The following STIM1 variants were observed in gnomAD, a reference collection of about 807,000 sequenced individuals.
STIM1 encodes stromal interaction molecule 1.
Under a neutral mutation model 74.7 loss-of-function variants are expected in STIM1, and 25 were observed. That is an observed-to-expected ratio of 0.33 (90% CI 0.24 to 0.47). The LOEUF (loss-of-function observed/expected upper bound fraction) is 0.47, where lower values mean the gene tolerates loss of function less well. Ranked by LOEUF, STIM1 falls within the 20% of genes least tolerant of loss-of-function variation. The probability of loss-of-function intolerance (pLI) is 1.00; values close to 1 mark genes in which losing one functional copy is unlikely to be tolerated. For missense variants in STIM1, 728 were observed against 920.8 expected, an observed-to-expected ratio of 0.79 and a Z score of 2.71; for synonymous variants, 328 against 348.8, an observed-to-expected ratio of 0.94 and a Z score of 0.66.
chr11:3,900,845 G>A (rs531587886), intron 1 of STIM1, among the ~76,000 whole-genome samples: 28 of 152,250 alleles, frequency 1.8e-4, no homozygotes, highest in Admixed American at 1.8e-3. Flanking sequence ...CAAAGTGTTG[G>A]GATTACAGGC....
chr11:4,032,193 A>T (rs1435759581), intron 3 of STIM1, among the ~76,000 whole-genome samples: 8 of 151,334 alleles, frequency 5.3e-5, no homozygotes, highest in Admixed American at 5.3e-4. Context: ...GTTTAAGCTG[A>T]GTGCAGTAGC....
intron 1 of STIM1, among the ~76,000 whole-genome samples, chr11:3,964,277 A>C (rs918487950): frequency 6.6e-6 from 1 of 152,254 alleles, no homozygotes; most frequent in Non-Finnish European, 1.5e-5. Flanking sequence ...GGAATGCGTA[A>C]GAGAAGGTAG....
At chr11:4,038,770 C>G (rs1490616605) in intron 3 of STIM1, among the ~76,000 whole-genome samples, 1 of 152,140 alleles carries the variant, frequency 6.6e-6, no homozygotes, top group African/African-American at 2.4e-5. Flanking sequence ...TTGGCCCAGC[C>G]TAGCTCTACT....
intron 3 of STIM1, among the ~76,000 whole-genome samples, chr11:4,031,114 C>G (rs933912414): frequency 1.3e-5 from 2 of 152,160 alleles, no homozygotes; most frequent in Admixed American, 6.5e-5. Flanking sequence ...TTTGCATTTG[C>G]TACAGTTTTA....
At chr11:3,892,295 G>T in intron 1 of STIM1, 1 of 748,166 alleles carries the variant, frequency 1.3e-6, no homozygotes. Flanking sequence ...AGAGCACAAA[G>T]ATTCAAGGAT....
At chr11:3,904,196 C>CAAAAAAAAAAAAAAAAAAAAAA (rs57908154) in intron 1 of STIM1, among the ~76,000 whole-genome samples, 6 of 73,860 alleles carry the variant, frequency 8.1e-5, no homozygotes, top group African/African-American at 1.1e-4. Context: ...GACTCTGTCT[C>CAAAAAAAAAAAAAAAAAAAAAA]AAAAAAAAAA....
rs780512774 is a variant in STIM1, at chr11:4,083,493, T to C, written c.1469T>C (p.Met490Thr). 2 of 1,613,272 alleles carry C rather than the reference T, an allele frequency of 1.2e-6. No individual in the cohort carries two copies. The highest frequency in any genetic ancestry group is 2.7e-5 in the African/African-American group (2 of 74,942). The change falls in exon 10 of 13, where the codon ATG becomes ACG. Residue 490 changes from methionine to threonine, a missense_variant. This residue lies in a region of STIM1 where 352 missense variants were observed against 370.1 expected (regional missense o/e 0.95). Coordinates refer to ENST00000526596, the MANE Select transcript of STIM1 (RefSeq NM_001382567.1). Reference protein sequence around the residue: ...MDEEIVSPLSMQYAAWLMGRR... With the variant: ...MDEEIVSPLSTQYAAWLMGRR... ...GAGGAGATTGTGTCTCCCTTGTCCA[T>C]GCAGTGTAGGTGACCTCTTTGCGGG...
chr11:4,045,130 C>A (rs957114288), intron 3 of STIM1, among the ~76,000 whole-genome samples: 1 of 152,060 alleles, frequency 6.6e-6, no homozygotes, highest in Admixed American at 6.5e-5. Context: ...GGCATCCTCC[C>A]AGTAGACAAA....
chr11:4,045,814 G>A (rs551241999), intron 3 of STIM1, among the ~76,000 whole-genome samples: 2 of 134,602 alleles, frequency 1.5e-5, no homozygotes, highest in East Asian at 4.4e-4. Flanking sequence ...TGCCCAGGCT[G>A]GAGTGCAGTG....
intron 12 of STIM1, 104 bp from the exon 13 acceptor site, chr11:4,091,178 C>T: frequency 1.3e-6 from 2 of 1,532,644 alleles, no homozygotes; most frequent in Non-Finnish European, 1.8e-6. Context: ...CATTTTCCTA[C>T]CCTGTCCTTG....
intron 1 of STIM1, among the ~76,000 whole-genome samples, chr11:3,912,141 C>T (rs1377163444): frequency 7.6e-6 from 1 of 131,018 alleles, no homozygotes; most frequent in Non-Finnish European, 1.6e-5. Flanking sequence ...CCTCCCATCC[C>T]CTCTCCTCCC....
chr11:3,942,836 T>A (rs761915545), intron 1 of STIM1, among the ~76,000 whole-genome samples: 3 of 152,166 alleles, frequency 2.0e-5, no homozygotes, highest in Non-Finnish European at 4.4e-5. Flanking sequence ...GTGTTCCTGG[T>A]TGCTTTGGGG....
rs77323635 is a variant in STIM1, at chr11:3,929,820, C to T, written c.140-37732C>T. Among the ~76,000 whole-genome samples, 173 of 152,290 alleles carry T rather than the reference C, an allele frequency of 1.1e-3. 1 individual carries two copies. The highest frequency in any genetic ancestry group is 4.0e-3 in the African/African-American group (165 of 41,568). ...CAACCCAGTCCTAAATTGCATGTCT[C>T]GGGCCACAGGTTACCAAGTTTACAG... On this transcript the variant is annotated intron_variant, in intron 1 of 12. Transcript: ENST00000526596.
intron 3 of STIM1, among the ~76,000 whole-genome samples, chr11:4,043,616 T>C (rs1255746273): frequency 2.6e-5 from 4 of 152,228 alleles, no homozygotes; most frequent in African/African-American, 9.6e-5. Context: ...ATGTGTGTTT[T>C]ACAATCTATC....
At chr11:4,059,428 T>G in intron 5 of STIM1, 32 bp downstream of exon 5, 1 of 1,596,936 alleles carries the variant, frequency 6.3e-7, no homozygotes, top group Non-Finnish European at 8.6e-7. Flanking sequence ...GCTACTGCTG[T>G]GCCATGGAAA....
rs2094529517 is a variant in STIM1 at position 4,092,359 on chromosome 11, T to TA, written c.*563dup. 1 of 169,412 alleles carries TA rather than the reference T, an allele frequency of 5.9e-6. No homozygotes were observed. The highest frequency in any genetic ancestry group is 1.3e-5 in the Non-Finnish European group (1 of 76,250). The allele number at this position is 169,412 out of a possible 1,614,324, so 10.5% of individuals were successfully genotyped here. On this transcript the variant is annotated 3_prime_UTR_variant, in exon 13 of 13. Transcript: ENST00000526596. ...ATGTGGGTCAGAAGGAGCCTCATCC[T>TA]AATCTCACTCAGGCCTCCAGGGATC... is the stretch of plus-strand genomic sequence containing the variant.
At chr11:3,867,219 C>T (rs937845982) in intron 1 of STIM1, 6 of 152,200 alleles carry the variant, frequency 3.9e-5, no homozygotes, top group African/African-American at 1.4e-4. Context: ...TTACTAAGCA[C>T]CTACTGAAGC....
Position 4,022,539 on chromosome 11 carries a change from G to A in STIM1, c.271-1334G>A, listed in dbSNP as rs548344844. ...AATAGCGGTGAACGAAGGCATCCTT[G>A]TCTCGTTCCAGATTTTAGAAGAAAA... On this transcript the variant is annotated intron_variant, in intron 2 of 12. Coordinates refer to ENST00000526596, the MANE Select transcript of STIM1 (RefSeq NM_001382567.1). Among the ~76,000 whole-genome samples the A allele has an allele frequency of 1.4e-3, 206 of 152,022 alleles. 1 individual carries two copies. The highest frequency in any genetic ancestry group is 3.4e-3 in the Middle Eastern group (1 of 294).
chr11:3,886,206 C>T (rs1022568499), intron 1 of STIM1, among the ~76,000 whole-genome samples: 13 of 152,158 alleles, frequency 8.5e-5, no homozygotes, highest in Admixed American at 3.3e-4. Flanking sequence ...ATAGAAAATT[C>T]ACTGGGAACC....
Sources: allele counts gnomAD v4.1 joint callset (sites outside exome capture counted in the v4.1 genomes callset), GRCh38; gene constraint gnomAD v4.1.1; regional missense constraint gnomAD v4.1.1; transcripts MANE v1.5; gene names NCBI Gene and HGNC (gene_info 2026-07-23, HGNC 2026-07-21).